DNAAF4: variants seen among roughly 807,000 people sequenced by gnomAD.
The protein encoded by DNAAF4 is dynein assembly factor 4, axonemal.
Under a neutral mutation model 51.8 loss-of-function variants are expected in DNAAF4, and 43 were observed. The observed-to-expected ratio is 0.83, with a 90% CI of 0.65 to 1.07. The LOEUF (loss-of-function observed/expected upper bound fraction) is 1.07, where lower values mean the gene tolerates loss of function less well. Among genes scored for constraint, DNAAF4 ranks in the 50% least tolerant of loss-of-function variants. The probability of loss-of-function intolerance (pLI) is 0.00; values close to 1 mark genes in which losing one functional copy is unlikely to be tolerated. For missense variants in DNAAF4, 581 were observed against 493.0 expected, an observed-to-expected ratio of 1.18 and a Z score of -1.69; for synonymous variants, 194 against 165.6, an observed-to-expected ratio of 1.17 and a Z score of -1.32.
At chr15:55,505,176 A>G (rs1472089554) in intron 1 of DNAAF4, among the ~76,000 whole-genome samples, 2 of 152,254 alleles carry the variant, frequency 1.3e-5, no homozygotes, top group Non-Finnish European at 1.5e-5. Flanking sequence ...AATGCTTGTC[A>G]TCACTGGTCA....
In DNAAF4 at chr15:55,453,643, C is replaced by T. The variant is rs1204613387; in HGVS notation, c.638-3276G>A. Reference sequence around the variant, plus strand: ...TCGGCTCACTGCAAGCTCTGCCTCCCGGGTTCACGCCATTCTCCTGCCTCA... The same window carrying T: ...TCGGCTCACTGCAAGCTCTGCCTCCTGGGTTCACGCCATTCTCCTGCCTCA... On this transcript the variant is annotated intron_variant, in intron 5 of 9. Transcript: ENST00000321149. Among the ~76,000 whole-genome samples the T allele has an allele frequency of 4.0e-5, 6 of 150,898 alleles. No homozygotes were observed. The South Asian group carries it at 8.4e-4, about 21-fold the overall frequency.
intron 5 of DNAAF4, among the ~76,000 whole-genome samples, chr15:55,454,359 A>C (rs1335928004): frequency 6.6e-6 from 1 of 152,014 alleles, no homozygotes; most frequent in Non-Finnish European, 1.5e-5. Context: ...AAGAGAATAC[A>C]ATAATGTAAT....
At chr15:55,473,088 C>G (rs2058278385) in intron 4 of DNAAF4, among the ~76,000 whole-genome samples, 1 of 150,276 alleles carries the variant, frequency 6.7e-6, no homozygotes. Context: ...ATCGCTTAAA[C>G]CCAAGAGGCA....
At position 55,490,633 on chromosome 15, in the gene DNAAF4, A is replaced by G. The variant is rs563438735; in HGVS notation, c.405+490T>C. On this transcript the variant is annotated intron_variant, in intron 4 of 9. Coordinates refer to ENST00000321149, the MANE Select transcript of DNAAF4 (RefSeq NM_130810.4). ...TCCCTGAAACAACTGTCCAACTTTT[A>G]CACCTTTGACTTTCATTCAGATTTC... Among the ~76,000 whole-genome samples the G allele has an allele frequency of 2.9e-4, 44 of 152,278 alleles. 1 individual carries two copies. In the South Asian group the frequency reaches 8.7e-3, roughly 30 times the overall value.
downstream of DNAAF4, among the ~76,000 whole-genome samples, chr15:55,427,575 G>A (rs2057443072): frequency 6.6e-6 from 1 of 152,166 alleles, no homozygotes; most frequent in Admixed American, 6.5e-5. Context: ...GCAAAATATT[G>A]TAAACACTGA....
At chr15:55,433,950 A>ATATTTTATATAATATGTTATAATAT (rs1555413855) in intron 8 of DNAAF4, among the ~76,000 whole-genome samples, 2 of 33,172 alleles carry the variant, frequency 6.0e-5, no homozygotes, top group African/African-American at 1.9e-4. Context: ...TATATAATAT[A>ATATTTTATATAATATGTTATAATAT]TATAATATAT....
At chr15:55,490,858 G>A (rs917359683) in intron 4 of DNAAF4, among the ~76,000 whole-genome samples, 11 of 152,094 alleles carry the variant, frequency 7.2e-5, no homozygotes, top group Non-Finnish European at 1.6e-4. Context: ...GGAGGCTGAG[G>A]CAGGAGAATG....
chr15:55,482,517 A>G (rs1273623802), intron 4 of DNAAF4, among the ~76,000 whole-genome samples: 1 of 152,084 alleles, frequency 6.6e-6, no homozygotes, highest in Non-Finnish European at 1.5e-5. Context: ...TCTCTACCAA[A>G]AAATACAAAA....
intron 5 of DNAAF4, among the ~76,000 whole-genome samples, chr15:55,451,855 A>G (rs1263868435): frequency 1.3e-5 from 2 of 152,132 alleles, no homozygotes; most frequent in African/African-American, 4.8e-5. Flanking sequence ...TCCTGGGCTC[A>G]AGCAATCCTC....
At chr15:55,460,090 G>T (rs116870018) in intron 5 of DNAAF4, among the ~76,000 whole-genome samples, 29,406 of 151,598 alleles carry the variant, frequency 0.19, 3,621 homozygotes, top group Non-Finnish European at 0.28. Context: ...AATGATAAAA[G>T]AATTAGTCCA....
intron 4 of DNAAF4, among the ~76,000 whole-genome samples, chr15:55,483,312 G>T (rs1025314723): frequency 6.6e-6 from 1 of 151,710 alleles, no homozygotes; most frequent in African/African-American, 2.4e-5. Flanking sequence ...GGCCAGGCTG[G>T]TCTCAAACTC....
chr15:55,489,607 A>G (rs1038591676), intron 4 of DNAAF4, among the ~76,000 whole-genome samples: 26 of 150,212 alleles, frequency 1.7e-4, no homozygotes, highest in Non-Finnish European at 3.8e-4. Flanking sequence ...CCCGAGTGGC[A>G]GAGGTTGCAG....
intron 7 of DNAAF4, chr15:55,418,746 T>C (rs1036410733): frequency 9.8e-6 from 5 of 509,936 alleles, no homozygotes; most frequent in African/African-American, 3.9e-5. Context: ...TGAAAATATG[T>C]TCAAAATAGC....
intron 7 of DNAAF4, among the ~76,000 whole-genome samples, chr15:55,421,909 A>ATAC (rs1396275325): frequency 8.5e-5 from 9 of 106,254 alleles, no homozygotes; most frequent in Admixed American, 4.3e-4. Flanking sequence ...TATAATAATA[A>ATAC]TAATAATAAT....
chr15:55,493,544 TAAAG>T (rs1371178831), intron 3 of DNAAF4, among the ~76,000 whole-genome samples: 1 of 151,658 alleles, frequency 6.6e-6, no homozygotes, highest in South Asian at 2.1e-4. Context: ...CTAATAGAAA[TAAAG>T]AGTGTATCAA....
chr15:55,436,469 T>C (rs1200784244), intron 7 of DNAAF4, among the ~76,000 whole-genome samples: 1 of 152,120 alleles, frequency 6.6e-6, no homozygotes, highest in East Asian at 1.9e-4. Flanking sequence ...CTGCAACCTC[T>C]ACCTCCCAGG....
chr15:55,467,204 G>T, intron 4 of DNAAF4, 43 bp from the exon 5 acceptor site: 1 of 1,396,284 alleles, frequency 7.2e-7, no homozygotes, highest in Non-Finnish European at 9.8e-7. Context: ...ATACATAAAA[G>T]CAACATTTAT....
chr15:55,483,701 C>T (rs184208403), intron 4 of DNAAF4, among the ~76,000 whole-genome samples: 16 of 151,458 alleles, frequency 1.1e-4, no homozygotes, highest in East Asian at 4.0e-4. Context: ...CCACCACACA[C>T]GGCTAATTTT....
intron 5 of DNAAF4, among the ~76,000 whole-genome samples, chr15:55,460,000 C>T (rs2058072010): frequency 6.6e-6 from 1 of 151,790 alleles, no homozygotes; most frequent in Non-Finnish European, 1.5e-5. Flanking sequence ...CTGCGCCTAG[C>T]CAGGAATAGC....
Sources: gnomAD v4.1 joint callset for allele counts (sites outside exome capture counted in the v4.1 genomes callset) on GRCh38, gnomAD v4.1.1 for gene constraint, MANE v1.5 for transcripts, NCBI Gene and HGNC (gene_info 2026-07-23, HGNC 2026-07-21) for gene names.